The following MYO3A variants were observed in gnomAD, a reference collection of about 807,000 sequenced individuals.
The protein encoded by MYO3A is myosin-IIIa.
In MYO3A, 180 loss-of-function variants were observed where a neutral mutation model predicts 192.7. The ratio of observed to expected loss-of-function variants is 0.93; its 90% CI spans 0.83 to 1.06. MYO3A has a LOEUF of 1.06. Ranked by LOEUF, MYO3A falls within the 50% of genes least tolerant of loss-of-function variation. MYO3A has a pLI of 0.00. For missense variants in MYO3A, 1,896 were observed against 1,905.0 expected (o/e 1.00, Z 0.09); for synonymous variants, 628 against 645.3 (o/e 0.97, Z 0.41).
intron 10 of MYO3A, among the ~76,000 whole-genome samples, chr10:26,055,172 G>A (rs368327223): frequency 6.6e-6 from 1 of 152,064 alleles, no homozygotes; most frequent in Admixed American, 6.5e-5. Context: ...GCAGCTTCTG[G>A]CCAAGGGTAG....
intron 5 of MYO3A, 42 bp downstream of exon 5, chr10:25,996,636 T>G (rs769614468): frequency 4.4e-5 from 67 of 1,511,208 alleles, no homozygotes; most frequent in Middle Eastern, 1.9e-4. Context: ...TATGAAGCAG[T>G]TCCAGTTAAA....
chr10:26,052,350 A>C (rs1844054445), intron 10 of MYO3A, among the ~76,000 whole-genome samples: 1 of 152,182 alleles, frequency 6.6e-6, no homozygotes, highest in Non-Finnish European at 1.5e-5. Flanking sequence ...TCCAGGAATG[A>C]AGAGGGCAAT....
At chr10:26,096,713 GA>G in intron 17 of MYO3A, 31 bp downstream of exon 17, 2 of 1,411,772 alleles carry the variant, frequency 1.4e-6, no homozygotes, top group Non-Finnish European at 2.0e-6. Context: ...AACTTCTTTA[GA>G]AAGTATCTTT....
In MYO3A at chr10:26,145,512, G is replaced by C; in HGVS notation, c.2483G>C (p.Gly828Ala). The change falls in exon 22 of 35, where the codon GGA (glycine) becomes GCA (alanine). Residue 828 changes from glycine (G) to alanine (A), a missense_variant. By Grantham distance (60) the Gly-to-Ala change is moderately conservative. Coordinates refer to ENST00000642920, the MANE Select transcript of MYO3A (RefSeq NM_017433.5). ...CCCAAAAGAATGGAACTTAGTTTTG[G>C]AATTCACCATTATGCAGGAAAGGTA... ...WRPKRMELSF[G>A]IHHYAGKVLY... is the part of the protein sequence containing the mutation. 6.2e-7 allele frequency: 1 copy of C among 1,606,734 alleles called. No homozygotes were observed. Among genetic ancestry groups the C allele is most frequent in the Non-Finnish European group, 8.5e-7 (1 of 1,173,408 alleles).
intron 10 of MYO3A, among the ~76,000 whole-genome samples, chr10:26,066,176 T>C (rs187986864): frequency 7.9e-5 from 12 of 151,168 alleles, no homozygotes; most frequent in Non-Finnish European, 1.8e-4. Flanking sequence ...GAACAGGCAG[T>C]TTATTAATAG....
intron 22 of MYO3A, 33 bp from the exon 23 acceptor site, chr10:26,147,393 CATTG>C (rs1373415334): frequency 2.5e-6 from 4 of 1,579,214 alleles, no homozygotes; most frequent in Non-Finnish European, 1.7e-6. Context: ...ATGACAATGA[CATTG>C]ATTGTGATAA....
At chr10:26,194,434 C>G (rs543622877) in intron 32 of MYO3A, among the ~76,000 whole-genome samples, 1 of 152,094 alleles carries the variant, frequency 6.6e-6, no homozygotes, top group African/African-American at 2.4e-5. Flanking sequence ...CTCATGCTCC[C>G]GAGGCCTTTG....
At chr10:26,193,747 T>C (rs1843266721) in intron 32 of MYO3A, among the ~76,000 whole-genome samples, 1 of 152,178 alleles carries the variant, frequency 6.6e-6, no homozygotes, top group South Asian at 2.1e-4. Flanking sequence ...TAAGGCTTGT[T>C]CACATCCACT....
intron 7 of MYO3A, among the ~76,000 whole-genome samples, chr10:26,017,486 C>T (rs753453981): frequency 1.3e-5 from 2 of 151,964 alleles, no homozygotes; most frequent in African/African-American, 2.4e-5. Context: ...TATGAAGGAC[C>T]CTTATTTTTG....
chr10:26,067,435 A>G (rs1399463929), intron 11 of MYO3A, among the ~76,000 whole-genome samples: 2 of 152,042 alleles, frequency 1.3e-5, no homozygotes, highest in Non-Finnish European at 2.9e-5. Flanking sequence ...GATATGATTT[A>G]TTGTATTCAA....
At chr10:25,993,503 T>A (rs1379955965) in intron 4 of MYO3A, among the ~76,000 whole-genome samples, 2 of 152,210 alleles carry the variant, frequency 1.3e-5, no homozygotes, top group Non-Finnish European at 2.9e-5. Context: ...TTTTTGTGTC[T>A]CTATCTCCTT....
At chr10:25,992,337 T>A (rs1297602257) in intron 4 of MYO3A, among the ~76,000 whole-genome samples, 3 of 152,230 alleles carry the variant, frequency 2.0e-5, no homozygotes, top group Non-Finnish European at 4.4e-5. Flanking sequence ...ATAAGAATGC[T>A]TGTGATTTTT....
At chr10:25,991,946 G>A (rs1404476501) in intron 4 of MYO3A, among the ~76,000 whole-genome samples, 7 of 152,160 alleles carry the variant, frequency 4.6e-5, no homozygotes, top group African/African-American at 1.2e-4. Context: ...GTCAGGTAGC[G>A]TGTTGCCTCC....
intron 6 of MYO3A, among the ~76,000 whole-genome samples, chr10:26,009,914 G>T (rs1355137891): frequency 6.6e-6 from 1 of 152,110 alleles, no homozygotes; most frequent in East Asian, 1.9e-4. Flanking sequence ...GGGCAAAAAG[G>T]AAATGGAAAA....
chr10:26,083,848 A>G (rs117185627), intron 14 of MYO3A, among the ~76,000 whole-genome samples: 2 of 152,224 alleles, frequency 1.3e-5, no homozygotes, highest in African/African-American at 4.8e-5. Context: ...CTATTGCCTA[A>G]GAAAAATTTA....
chr10:26,024,049 T>C lies in MYO3A; in HGVS notation c.759T>C (p.Pro253=). The C allele has an allele frequency of 6.2e-7, 1 of 1,613,262 alleles. No homozygotes were observed. Among genetic ancestry groups the C allele is most frequent in the Non-Finnish European group, 8.5e-7 (1 of 1,179,288 alleles). Reference sequence around the variant, plus strand: ...ATCCACCCCCAAAACTAAGGCAGCCTGAGCTATGGTCAGCAGAATTCAATG... The same window carrying C: ...ATCCACCCCCAAAACTAAGGCAGCCCGAGCTATGGTCAGCAGAATTCAATG... ...PRNPPPKLRQ[P]ELWSAEFNDF... Residue 253 remains proline (P), a synonymous_variant, in exon 9 of 35, where the codon CCT becomes CCC. Coordinates refer to ENST00000642920, the MANE Select transcript of MYO3A (RefSeq NM_017433.5).
At position 25,993,906 on chromosome 10, in the gene MYO3A, A is replaced by G. The variant is rs561522573; in HGVS notation, c.304-2584A>G. ...TTTGTTATTATTTCTGTTCTTTTAC[A>G]TTTGCTGAGGAGTGCTTTACTTCCA... On this transcript the variant is annotated intron_variant, in intron 4 of 34. Transcript: ENST00000642920. Among the ~76,000 whole-genome samples, 3 of 152,238 alleles carry G rather than the reference A, an allele frequency of 2.0e-5. No homozygotes were observed. In the South Asian group the frequency reaches 6.2e-4, roughly 32 times the overall value.
intron 31 of MYO3A, among the ~76,000 whole-genome samples, chr10:26,183,773 G>A (rs1279300036): frequency 6.6e-6 from 1 of 152,054 alleles, no homozygotes; most frequent in Admixed American, 6.6e-5. Flanking sequence ...GAAGGTCAGA[G>A]AAGACTGCGA....
At chr10:26,137,099 T>A (rs1235551158) in intron 20 of MYO3A, among the ~76,000 whole-genome samples, 4 of 152,156 alleles carry the variant, frequency 2.6e-5, no homozygotes, top group African/African-American at 9.7e-5. Flanking sequence ...TGAGACTATA[T>A]AAAAAATAAA....
Sources: allele counts gnomAD v4.1 joint callset (sites outside exome capture counted in the v4.1 genomes callset), GRCh38; gene constraint gnomAD v4.1.1; transcripts MANE v1.5; gene names NCBI Gene and HGNC (gene_info 2026-07-23, HGNC 2026-07-21).